The following PAQR9 variants were observed in gnomAD, a reference collection of about 807,000 sequenced individuals.
PAQR9 encodes progestin and adipoQ receptor family member 9.
A neutral mutation model predicts 24.0 loss-of-function variants in PAQR9; 12 were observed. The observed-to-expected ratio is 0.50, with a 90% confidence interval of 0.32 to 0.81. The LOEUF (loss-of-function observed/expected upper bound fraction) is 0.81, where lower values mean the gene tolerates loss of function less well. Among genes scored for constraint, PAQR9 ranks in the 30% least tolerant of loss-of-function variants. PAQR9 has a pLI of 0.03. For synonymous variants in PAQR9, 266 were observed against 237.6 expected, an observed-to-expected ratio of 1.12 and a Z score of -1.10; for missense variants, 418 against 520.8, an observed-to-expected ratio of 0.80 and a Z score of 1.92.
At position 142,962,845 on chromosome 3, in the gene PAQR9, G is replaced by A. The variant is rs761982042; in HGVS notation, c.492C>T (p.Tyr164=). 6 of 1,613,462 alleles carry A rather than the reference G, an allele frequency of 3.7e-6. No individual in the cohort carries two copies. The South Asian group carries it at 4.4e-5, about 12-fold the overall frequency. ...AGTAGGCCACCGTGCTGCCGAAGCC[G>A]TAGTAGCTGATGGACGCGTAGTCCA... is the stretch of plus-strand genomic sequence containing the variant. ...FYLDYASISY[Y]GFGSTVAYYY... is the part of the protein sequence containing the mutation. The change falls in exon 1 of 1, where the codon TAC becomes TAT. Residue 164 remains tyrosine (Y), a synonymous_variant. Coordinates refer to ENST00000340634, the MANE Select transcript of PAQR9 (RefSeq NM_198504.4).
Position 142,960,683 on chromosome 3 carries a change from T to A in PAQR9, c.*1520A>T, listed in dbSNP as rs1934875549. ...CTCAGTGGTTTGTGTTAATCTAGAGTGGCCATCTCAATTACAGGTTAGCAT... is the reference window on the plus strand; with the variant it reads ...CTCAGTGGTTTGTGTTAATCTAGAGAGGCCATCTCAATTACAGGTTAGCAT... On this transcript the variant is annotated 3_prime_UTR_variant, in exon 1 of 1. Transcript: ENST00000340634. 1 of 152,198 alleles carries A rather than the reference T, an allele frequency of 6.6e-6. No homozygotes were observed. Among genetic ancestry groups the A allele is most frequent in the African/African-American group, 2.4e-5 (1 of 41,448 alleles). 9.4% of individuals were successfully genotyped at this position (152,198 alleles called of 1,614,324 possible). A position where few individuals can be genotyped will look rare whatever the true frequency, so the allele number is the denominator to read the frequency against.
chr3:142,963,256 C>G lies in PAQR9; in HGVS notation c.81G>C (p.Arg27=). 2.0e-6 allele frequency: 3 copies of G among 1,526,986 alleles called. No homozygotes were observed. The highest frequency in any genetic ancestry group is 2.6e-6 in the Non-Finnish European group (3 of 1,137,486). 94.6% of individuals were successfully genotyped at this position (1,526,986 alleles called of 1,614,324 possible). A position where few individuals can be genotyped will look rare whatever the true frequency, so the allele number is the denominator to read the frequency against. Residue 27 remains arginine, a synonymous_variant, in exon 1 of 1, where the codon CGG becomes CGC. Transcript: ENST00000340634. ...APAPAASGAA[R]NSHSAASRDP... ...CCCGGGAGGCGGCAGAGTGGGAGTT[C>G]CGGGCGGCCCCCGAAGCTGCCGGGG... is the stretch of plus-strand genomic sequence containing the variant.
rs1404144360 is a variant in PAQR9, at chr3:142,958,350, T to C, written c.*3853A>G. On this transcript the variant is annotated 3_prime_UTR_variant, in exon 1 of 1. Coordinates refer to ENST00000340634, the MANE Select transcript of PAQR9 (RefSeq NM_198504.4). ...TGTGCTTGGCCAGGCATCATAGCCA[T>C]GCAAACTAGTAAACACAGTTGAGCA... 1.3e-5 allele frequency among the ~76,000 whole-genome samples: 2 copies of C among 152,234 alleles called. No individual in the cohort carries two copies. The highest frequency in any genetic ancestry group is 4.8e-5 in the African/African-American group (2 of 41,466).
At chr3:142,954,151 A>G (rs1934758175), downstream of PAQR9, among the ~76,000 whole-genome samples, 1 of 152,254 alleles carries the variant, frequency 6.6e-6, no homozygotes, top group Non-Finnish European at 1.5e-5. Flanking sequence ...CACAAAGTTT[A>G]AGAGTTGAAG....
rs1934803214 is a variant in PAQR9, at chr3:142,957,197, T to C, written c.*5006A>G. Among the ~76,000 whole-genome samples the C allele has an allele frequency of 6.6e-6, 1 of 152,216 alleles. No homozygotes were observed. Among genetic ancestry groups the C allele is most frequent in the Non-Finnish European group, 1.5e-5 (1 of 68,034 alleles). On this transcript the variant is annotated 3_prime_UTR_variant, in exon 1 of 1. Coordinates refer to ENST00000340634, the MANE Select transcript of PAQR9 (RefSeq NM_198504.4). ...TACCACTCAAAATATACCTGGACAC[T>C]CGTGCTCAGGTCAAACGCTACAAGA...
At chr3:142,949,393 C>T (rs1934685791) in exon 3 of PAQR9, 1 of 152,212 alleles carries the variant, frequency 6.6e-6, no homozygotes, top group Admixed American at 6.5e-5. Context: ...TAGCTTCACT[C>T]AGGTCATCCT....
upstream of PAQR9, chr3:142,963,721 G>C (rs2108244938): frequency 1.3e-6 from 1 of 796,792 alleles, no homozygotes; most frequent in East Asian, 1.3e-4. Flanking sequence ...CCCCCGGAGC[G>C]GGAGGTGGGG....
Position 142,961,833 on chromosome 3 carries a change from C to T in PAQR9, c.*370G>A. 1 of 245,740 alleles carries T rather than the reference C, an allele frequency of 4.1e-6. No individual in the cohort carries two copies. The highest frequency in any genetic ancestry group is 5.1e-5 in the South Asian group (1 of 19,620). 15.2% of individuals were successfully genotyped at this position (245,740 alleles called of 1,614,324 possible). A position where few individuals can be genotyped will look rare whatever the true frequency, so the allele number is the denominator to read the frequency against. Reference sequence around the variant, plus strand: ...TTACCCTCTTTACTGTGTACCTGACCTCACAGGGGCTACTCCTTATTACCA... The same window carrying T: ...TTACCCTCTTTACTGTGTACCTGACTTCACAGGGGCTACTCCTTATTACCA... On this transcript the variant is annotated 3_prime_UTR_variant, in exon 1 of 1. Coordinates refer to ENST00000340634, the MANE Select transcript of PAQR9 (RefSeq NM_198504.4).
chr3:142,962,688 C>A lies in PAQR9; in HGVS notation c.649G>T (p.Ala217Ser). The A allele has an allele frequency of 6.2e-7, 1 of 1,612,522 alleles. No individual in the cohort carries two copies. The highest frequency in any genetic ancestry group is 8.5e-7 in the Non-Finnish European group (1 of 1,179,578). ...AAYRALVLPVAFVLAVACTVA... is the reference protein window; with the variant it reads ...AAYRALVLPVSFVLAVACTVA... ...GTGCAAGCCACCGCCAGCACGAAGGCCACAGGCAGCACCAGGGCGCGGTAG... is the reference window on the plus strand; with the variant it reads ...GTGCAAGCCACCGCCAGCACGAAGGACACAGGCAGCACCAGGGCGCGGTAG... Residue 217 changes from alanine to serine, a missense_variant, in exon 1 of 1, where the codon GCC becomes TCC. Physicochemically the swap from Ala to Ser is moderately conservative, Grantham distance 99. Transcript: ENST00000340634.
downstream of PAQR9, among the ~76,000 whole-genome samples, chr3:142,954,555 A>G (rs1934764001): frequency 6.6e-6 from 1 of 152,242 alleles, no homozygotes; most frequent in South Asian, 2.1e-4. Context: ...TAACTGTTGG[A>G]CATGCACAGA....
downstream of PAQR9, chr3:142,950,576 G>T (rs1407863932): frequency 6.8e-6 from 3 of 442,050 alleles, no homozygotes; most frequent in Non-Finnish European, 1.4e-5. Context: ...CTTCTGATGA[G>T]CTTAAGGTGG....
At position 142,958,063 on chromosome 3, in the gene PAQR9, C is replaced by A. The variant is rs2108240760; in HGVS notation, c.*4140G>T. On this transcript the variant is annotated 3_prime_UTR_variant, in exon 1 of 1. Transcript: ENST00000340634. ...ATGGGTCCTTGCCCAATGTCTTACA[C>A]ACAGTAGGTGCTCAAAGATCATGAA... Among the ~76,000 whole-genome samples the A allele has an allele frequency of 6.6e-6, 1 of 152,298 alleles. No individual in the cohort carries two copies. Among genetic ancestry groups the A allele is most frequent in the South Asian group, 2.1e-4 (1 of 4,826 alleles).
chr3:142,963,510 CAAT>C lies in PAQR9; in HGVS notation c.-177_-175del. Reference sequence around the variant, plus strand: ...AGCCGCTCCTAAAAATTAAATAAATCAATAAGAGAATCAATTAATAGGCAGCGC... The same window carrying C: ...AGCCGCTCCTAAAAATTAAATAAATCAAGAGAATCAATTAATAGGCAGCGC... On this transcript the variant is annotated 5_prime_UTR_variant, in exon 1 of 1. Coordinates refer to ENST00000340634, the MANE Select transcript of PAQR9 (RefSeq NM_198504.4). 1 of 1,019,444 alleles carries C rather than the reference CAAT, an allele frequency of 9.8e-7. No homozygotes were observed. The highest frequency in any genetic ancestry group is 4.6e-5 in the South Asian group (1 of 21,632). The allele number at this position is 1,019,444 out of a possible 1,614,324, so 63.1% of individuals were successfully genotyped here.
Position 142,962,398 on chromosome 3 carries a change from G to T in PAQR9, c.939C>A (p.Leu313=). 1.2e-6 allele frequency: 2 copies of T among 1,614,198 alleles called. No homozygotes were observed. Among genetic ancestry groups the T allele is most frequent in the Middle Eastern group, 3.3e-4 (2 of 6,062 alleles). ...TGCTGAGGAAGGTGAAGATGTGGAAGAGCTGGTGGCTGTGGCCGATAATGT... is the reference window on the plus strand; with the variant it reads ...TGCTGAGGAAGGTGAAGATGTGGAATAGCTGGTGGCTGTGGCCGATAATGT... ...LFDIIGHSHQ[L]FHIFTFLSIY... The change falls in exon 1 of 1, where the codon CTC becomes CTA. Residue 313 remains leucine, a synonymous_variant. Coordinates refer to ENST00000340634, the MANE Select transcript of PAQR9 (RefSeq NM_198504.4).
downstream of PAQR9, among the ~76,000 whole-genome samples, chr3:142,953,473 T>C (rs1265449842): frequency 2.0e-5 from 3 of 152,130 alleles, no homozygotes; most frequent in Non-Finnish European, 2.9e-5. Flanking sequence ...TGCTATTGTT[T>C]TGGGCTGTTA....
Position 142,958,627 on chromosome 3 carries a change from T to A in PAQR9, c.*3576A>T, listed in dbSNP as rs1934832582. On this transcript the variant is annotated 3_prime_UTR_variant, in exon 1 of 1. Transcript: ENST00000340634. ...TCACCTCTGTCCCAAAATTTTGCAT[T>A]CTTAGAAATGATTCCTATGAAGTAT... Among the ~76,000 whole-genome samples, 1 of 152,202 alleles carries A rather than the reference T, an allele frequency of 6.6e-6. No homozygotes were observed. The highest frequency in any genetic ancestry group is 1.5e-5 in the Non-Finnish European group (1 of 68,030).
In PAQR9 at chr3:142,963,003, C is replaced by G; in HGVS notation, c.334G>C (p.Val112Leu). The G allele has an allele frequency of 6.2e-7, 1 of 1,614,074 alleles. No individual in the cohort carries two copies. Among genetic ancestry groups the G allele is most frequent in the Non-Finnish European group, 8.5e-7 (1 of 1,179,996 alleles). ...AGCAGCCACGGGTGGTGGAAGGGCACGTCGCCGCCGCTCAGGAAGAACAGA... is the reference window on the plus strand; with the variant it reads ...AGCAGCCACGGGTGGTGGAAGGGCAGGTCGCCGCCGCTCAGGAAGAACAGA... ...CRLFFLSGGD[V>L]PFHHPWLLPL... The change falls in exon 1 of 1, where the codon GTG (valine) becomes CTG (leucine). Residue 112 changes from valine to leucine, a missense_variant. Val to Leu is a conservative substitution (Grantham distance 32). Around this residue, in one of 3 missense-constraint regions of PAQR9, gnomAD observed 180 missense variants for 190.3 expected, o/e 0.95. Coordinates refer to ENST00000340634, the MANE Select transcript of PAQR9 (RefSeq NM_198504.4).
downstream of PAQR9, among the ~76,000 whole-genome samples, chr3:142,954,074 T>C (rs573331976): frequency 8.4e-4 from 128 of 152,354 alleles, no homozygotes; most frequent in Non-Finnish European, 1.4e-3. Flanking sequence ...TCATGAGAGT[T>C]TTCTGTTCCT....
rs532487345 is a variant in PAQR9, at chr3:142,959,065, G to T, written c.*3138C>A. Among the ~76,000 whole-genome samples, 1 of 152,282 alleles carries T rather than the reference G, an allele frequency of 6.6e-6. No individual in the cohort carries two copies. Among genetic ancestry groups the T allele is most frequent in the South Asian group, 2.1e-4 (1 of 4,828 alleles). ...CAGATCATGACTAACAAGTAAAAAT[G>T]AAACATATTACATAATATGCTTCAA... On this transcript the variant is annotated 3_prime_UTR_variant, in exon 1 of 1. Coordinates refer to ENST00000340634, the MANE Select transcript of PAQR9 (RefSeq NM_198504.4).
Sources: gnomAD v4.1 joint callset for allele counts (sites outside exome capture counted in the v4.1 genomes callset) on GRCh38, gnomAD v4.1.1 for gene constraint, gnomAD v4.1.1 regional missense constraint, MANE v1.5 for transcripts, NCBI Gene and HGNC (gene_info 2026-07-23, HGNC 2026-07-21) for gene names.